Variants in DPPA4 observed in about 807,000 individuals in gnomAD.
DPPA4 encodes developmental pluripotency-associated protein 4.
Under a neutral mutation model 33.7 loss-of-function variants are expected in DPPA4, and 22 were observed. The observed-to-expected ratio is 0.65, with a 90% CI of 0.47 to 0.93. DPPA4 has a LOEUF of 0.93. Ranked by LOEUF, DPPA4 falls within the 40% of genes least tolerant of loss-of-function variation. The pLI, the probability that DPPA4 is intolerant of heterozygous loss-of-function variation, is 0.00. For missense variants in DPPA4, 340 were observed against 358.6 expected (o/e 0.95, Z 0.42); for synonymous variants, 156 against 132.3 (o/e 1.18, Z -1.23).
upstream of DPPA4, among the ~76,000 whole-genome samples, chr3:109,338,250 A>G (rs1463139679): frequency 6.6e-6 from 1 of 152,136 alleles, no homozygotes; most frequent in Admixed American, 6.6e-5. Flanking sequence ...TTATATCTCA[A>G]ATTGTGAGTT....
At position 109,330,300 on chromosome 3, in the gene DPPA4, C is replaced by CAAA. The variant is rs71129042; in HGVS notation, c.679+221_679+223dup. Reference sequence around the variant, plus strand: ...CTGGGCAACAAGGGAGAAACTGTCTCAAAAAAAAAAAAAAAAAAAAAAAAA... The same window carrying CAAA: ...CTGGGCAACAAGGGAGAAACTGTCTCAAAAAAAAAAAAAAAAAAAAAAAAAAAA... On this transcript the variant is annotated intron_variant, in intron 5 of 6. Transcript: ENST00000335658. The CAAA allele has an allele frequency of 3.2e-3, 1,103 of 347,940 alleles. 9 individuals carry two copies. The highest frequency in any genetic ancestry group is 4.6e-3 in the Non-Finnish European group (883 of 192,694). 21.6% of individuals were successfully genotyped at this position (347,940 alleles called of 1,614,324 possible). A position where few individuals can be genotyped will look rare whatever the true frequency, so the allele number is the denominator to read the frequency against.
chr3:109,332,066 T>C (rs1435220103), intron 2 of DPPA4, 35 bp from the exon 3 acceptor site: 2 of 1,508,484 alleles, frequency 1.3e-6, no homozygotes, highest in South Asian at 1.3e-5. Context: ...GTAGTAATTA[T>C]CTTTGTGTAG....
chr3:109,333,084 G>C (rs1023567721), intron 2 of DPPA4, among the ~76,000 whole-genome samples: 1 of 152,096 alleles, frequency 6.6e-6, no homozygotes, highest in Non-Finnish European at 1.5e-5. Context: ...CCTCACACCT[G>C]TAACCCCAGC....
chr3:109,337,528 T>G lies in DPPA4; in HGVS notation c.-11A>C, dbSNP rs1405386812. 1 of 1,614,102 alleles carries G rather than the reference T, an allele frequency of 6.2e-7. No individual in the cohort carries two copies. Among genetic ancestry groups the G allele is most frequent in the Admixed American group, 1.7e-5 (1 of 60,010 alleles). On this transcript the variant is annotated 5_prime_UTR_variant, in exon 1 of 7. Coordinates refer to ENST00000335658, the MANE Select transcript of DPPA4 (RefSeq NM_018189.4). ...GGAGCCTCGCAACATGCTTCCAAAA[T>G]GGCCCCTGCCCCAAGATTGCTATTT...
chr3:109,330,461 G>C (rs750467171), intron 5 of DPPA4, 63 bp downstream of exon 5: 2 of 1,579,614 alleles, frequency 1.3e-6, no homozygotes, highest in Admixed American at 3.3e-5. Context: ...ATGTACCAGT[G>C]ATTAATATCT....
chr3:109,330,584 C>T lies in DPPA4; in HGVS notation c.619G>A (p.Ala207Thr), dbSNP rs1170639322. 6.2e-7 allele frequency: 1 copy of T among 1,614,036 alleles called. No homozygotes were observed. The highest frequency in any genetic ancestry group is 1.7e-5 in the Admixed American group (1 of 59,996). The change falls in exon 5 of 7, where the codon GCG becomes ACG. Residue 207 changes from alanine (A) to threonine (T), a missense_variant. By Grantham distance (58) the Ala-to-Thr change is moderately conservative. Coordinates refer to ENST00000335658, the MANE Select transcript of DPPA4 (RefSeq NM_018189.4). Reference sequence around the variant, plus strand: ...GTCCTCGCCCTGGCTGAAATTCTCGCCCAGGAGGCCAGCAAAGCCTCTGGG... The same window carrying T: ...GTCCTCGCCCTGGCTGAAATTCTCGTCCAGGAGGCCAGCAAAGCCTCTGGG... ...SAPEALLASWARISARARTPE... is the reference protein window; with the variant it reads ...SAPEALLASWTRISARARTPE...
chr3:109,336,570 G>A (rs1708217429), intron 1 of DPPA4: 1 of 152,160 alleles, frequency 6.6e-6, no homozygotes, highest in Non-Finnish European at 1.5e-5. Context: ...CCGTCTAAAG[G>A]AAATTAAGGG....
chr3:109,327,142 TTA>T lies in DPPA4; in HGVS notation c.*844_*845del. On this transcript the variant is annotated 3_prime_UTR_variant, in exon 7 of 7. Transcript: ENST00000335658. ...GGAGTCAAACCATAGAAATCTCAGG[TTA>T]TTAAGAGAACTTTGAAAAATATTGT... is the stretch of plus-strand genomic sequence containing the variant. 7.4e-6 allele frequency: 1 copy of T among 135,590 alleles called. No individual in the cohort carries two copies. The highest frequency in any genetic ancestry group is 6.9e-5 in the Admixed American group (1 of 14,470). The allele number at this position is 135,590 out of a possible 1,614,324, so 8.4% of individuals were successfully genotyped here.
intron 5 of DPPA4, chr3:109,330,300 C>CAAAAAAAAAAAAAAAAAAAAAA (rs71129042): frequency 2.0e-5 from 7 of 348,984 alleles, no homozygotes; most frequent in Non-Finnish European, 3.1e-5. Flanking sequence ...GAAACTGTCT[C>CAAAAAAAAAAAAAAAAAAAAAA]AAAAAAAAAA....
At chr3:109,335,709 C>T (rs919148229) in intron 1 of DPPA4, among the ~76,000 whole-genome samples, 11 of 152,022 alleles carry the variant, frequency 7.2e-5, no homozygotes, top group African/African-American at 2.2e-4. Context: ...GGATTACAGG[C>T]GTGTGCCACT....
At chr3:109,329,643 G>C (rs986164263) in intron 5 of DPPA4, 5 of 155,064 alleles carry the variant, frequency 3.2e-5, no homozygotes, top group Non-Finnish European at 5.7e-5. Flanking sequence ...GACTAACCCA[G>C]AGTGTCTGGA....
In DPPA4 at chr3:109,328,876, C is replaced by T; in HGVS notation, c.878+14G>A. 6.2e-7 allele frequency: 1 copy of T among 1,603,342 alleles called. No homozygotes were observed. Among genetic ancestry groups the T allele is most frequent in the Non-Finnish European group, 8.5e-7 (1 of 1,172,870 alleles). On this transcript the variant is annotated intron_variant, in intron 6 of 6. Transcript: ENST00000335658. ...CACCCACTTTTAGTTTGTAGAAAAG[C>T]ATCAGGTAATTACCTGTGAACACAT... is the stretch of plus-strand genomic sequence containing the variant.
At chr3:109,332,053 T>C (rs1014016120) in intron 2 of DPPA4, 22 bp from the exon 3 acceptor site, 2 of 1,552,794 alleles carry the variant, frequency 1.3e-6, no homozygotes, top group Non-Finnish European at 1.7e-6. Flanking sequence ...TGGAATCAAA[T>C]GAGTAGTAAT....
chr3:109,329,363 G>A (rs1473244377), intron 5 of DPPA4: 11 of 292,608 alleles, frequency 3.8e-5, no homozygotes, highest in East Asian at 1.4e-4. Context: ...GTGAAACCCC[G>A]TTTCTACTAA....
Position 109,331,803 on chromosome 3 carries a change from G to C in DPPA4, c.340-19C>G. On this transcript the variant is annotated intron_variant, in intron 3 of 6. Coordinates refer to ENST00000335658, the MANE Select transcript of DPPA4 (RefSeq NM_018189.4). The stretch of plus-strand genomic sequence containing the variant: ...CCAATTTCTAAGACAATAGAAAACT[G>C]AGTTAGTAAGGCAAATAAGGTTCCT... 1 of 1,613,658 alleles carries C rather than the reference G, an allele frequency of 6.2e-7. No homozygotes were observed. The highest frequency in any genetic ancestry group is 8.5e-7 in the Non-Finnish European group (1 of 1,179,652).
At chr3:109,333,712 T>A in intron 2 of DPPA4, 158 bp downstream of exon 2, 1 of 772,512 alleles carries the variant, frequency 1.3e-6, no homozygotes, top group Non-Finnish European at 2.1e-6. Context: ...GACCAAAAGA[T>A]GCTTCAGGAA....
Position 109,333,942 on chromosome 3 carries a change from G to A in DPPA4, c.106C>T (p.Pro36Ser), listed in dbSNP as rs200651538. The change falls in exon 2 of 7, where the codon CCA (proline) becomes TCA (serine). Residue 36 changes from proline (P) to serine (S), a missense_variant. By Grantham distance (74) the Pro-to-Ser change is moderately conservative. This residue lies in a region of DPPA4 where 96 missense variants were observed against 91.8 expected (regional missense o/e 1.05). Coordinates refer to ENST00000335658, the MANE Select transcript of DPPA4 (RefSeq NM_018189.4). ...REEDQQASNQ[P>S]NSIALPGTSA... The stretch of plus-strand genomic sequence containing the variant: ...GTTCCTGGCAAAGCAATTGAATTTG[G>A]TTGATTAGAAGCCTGCTGATCCTCT... 1.9e-6 allele frequency: 3 copies of A among 1,614,066 alleles called. No homozygotes were observed. The highest frequency in any genetic ancestry group is 2.5e-6 in the Non-Finnish European group (3 of 1,179,986).
chr3:109,335,482 G>A (rs910376250), intron 1 of DPPA4, among the ~76,000 whole-genome samples: 2 of 152,256 alleles, frequency 1.3e-5, no homozygotes, highest in Middle Eastern at 3.4e-3. Context: ...CGGCTGTAGT[G>A]CAGTGGTCCA....
At position 109,337,507 on chromosome 3, in the gene DPPA4, C is replaced by A. The variant is rs780884314; in HGVS notation, c.11G>T (p.Gly4Val). ...CTCCATACTTGTAGAAGAAGCGGAG[C>A]CTCGCAACATGCTTCCAAAATGGCC... MLR[G>V]SASSTSMEKA... Residue 4 changes from glycine to valine, a missense_variant, in exon 1 of 7, where the codon GGC becomes GTC. By Grantham distance (109) the Gly-to-Val change is moderately radical. This residue lies in a region of DPPA4 where 96 missense variants were observed against 91.8 expected (regional missense o/e 1.05). Transcript: ENST00000335658. The A allele has an allele frequency of 6.2e-7, 1 of 1,614,100 alleles. No individual in the cohort carries two copies. The highest frequency in any genetic ancestry group is 8.5e-7 in the Non-Finnish European group (1 of 1,180,018).
Sources: gnomAD v4.1 joint callset for allele counts (sites outside exome capture counted in the v4.1 genomes callset) on GRCh38, gnomAD v4.1.1 for gene constraint, gnomAD v4.1.1 regional missense constraint, MANE v1.5 for transcripts, NCBI Gene and HGNC (gene_info 2026-07-23, HGNC 2026-07-21) for gene names.